The following SPINK1 variants were observed in gnomAD, a reference collection of about 807,000 sequenced individuals.
SPINK1 encodes serine peptidase inhibitor Kazal type 1.
SPINK1 carries 5 observed loss-of-function variants against 9.5 expected under a neutral mutation model. The observed-to-expected ratio is 0.52, with a 90% CI of 0.27 to 1.10. The LOEUF is 1.10. SPINK1 is among the 50% of genes least tolerant of loss of function. SPINK1 has a pLI of 0.11. For missense variants in SPINK1, 88 were observed against 92.7 expected (o/e 0.95, Z 0.21); for synonymous variants, 37 against 32.3 (o/e 1.14, Z -0.49).
chr5:147,831,413 A>G, intron 1 of SPINK1, 110 bp downstream of exon 1: 4 of 1,423,784 alleles, frequency 2.8e-6, no homozygotes, highest in Non-Finnish European at 3.9e-6. Flanking sequence ...CATTAGGTCC[A>G]AAACATCTCT....
At chr5:147,836,102 C>T (rs1202284778), upstream of SPINK1, among the ~76,000 whole-genome samples, 1 of 152,004 alleles carries the variant, frequency 6.6e-6, no homozygotes, top group African/African-American at 2.4e-5. Flanking sequence ...ACATCCTCCT[C>T]CTCATCATTA....
intron 1 of SPINK1, among the ~76,000 whole-genome samples, chr5:147,830,927 G>A (rs1201292908): frequency 1.3e-5 from 2 of 152,034 alleles, no homozygotes; most frequent in Non-Finnish European, 2.9e-5. Context: ...TTCAAAATGT[G>A]TAATGTAAAT....
chr5:147,824,626 C>G lies in SPINK1; in HGVS notation c.*35G>C. On this transcript the variant is annotated 3_prime_UTR_variant, in exon 4 of 4. Transcript: ENST00000296695. ...TTCAACAATAAGGCCAGTCAGGCCT[C>G]GCGGTGACCTGATGGGATTTCAAAA... 1.2e-6 allele frequency: 2 copies of G among 1,609,120 alleles called. No homozygotes were observed. The highest frequency in any genetic ancestry group is 1.7e-6 in the Non-Finnish European group (2 of 1,175,680).
At chr5:147,831,449 T>G in intron 1 of SPINK1, 74 bp downstream of exon 1, 1 of 1,584,498 alleles carries the variant, frequency 6.3e-7, no homozygotes, top group Non-Finnish European at 8.6e-7. Flanking sequence ...ATCAAAAGTC[T>G]AGAAGATAAT....
At chr5:147,833,413 C>A (rs1302485309), upstream of SPINK1, among the ~76,000 whole-genome samples, 2 of 152,110 alleles carry the variant, frequency 1.3e-5, no homozygotes, top group Non-Finnish European at 2.9e-5. Context: ...TTCCATACTA[C>A]TATTTTGATC....
At chr5:147,825,443 CT>C (rs1554089634) in intron 3 of SPINK1, among the ~76,000 whole-genome samples, 1 of 123,956 alleles carries the variant, frequency 8.1e-6, no homozygotes, top group South Asian at 2.7e-4. Context: ...TTCTTTTTTT[CT>C]TTTTTTTCTT....
At chr5:147,835,659 C>G (rs987478926), upstream of SPINK1, among the ~76,000 whole-genome samples, 1 of 152,058 alleles carries the variant, frequency 6.6e-6, no homozygotes, top group Non-Finnish European at 1.5e-5. Flanking sequence ...TGACAAAACT[C>G]AAGAGAACTG....
At chr5:147,831,399 A>T in intron 1 of SPINK1, 124 bp downstream of exon 1, 1 of 1,253,478 alleles carries the variant, frequency 8.0e-7, no homozygotes, top group Non-Finnish European at 1.1e-6. Flanking sequence ...ATTTTATTTC[A>T]TCTCATTAGG....
chr5:147,825,094 T>C (rs1756376659), intron 3 of SPINK1, among the ~76,000 whole-genome samples: 1 of 152,206 alleles, frequency 6.6e-6, no homozygotes, highest in Non-Finnish European at 1.5e-5. Flanking sequence ...ACCTTCTAAT[T>C]GATTGACCTT....
intron 3 of SPINK1, chr5:147,827,384 G>C (rs1412348301): frequency 6.6e-6 from 1 of 152,360 alleles, no homozygotes; most frequent in Non-Finnish European, 1.5e-5. Flanking sequence ...TAAAAAATAT[G>C]TATCTCTGCT....
chr5:147,828,223 A>C (rs1756447133), intron 2 of SPINK1, 95 bp from the exon 3 acceptor site: 1 of 927,764 alleles, frequency 1.1e-6, no homozygotes. Flanking sequence ...CTGGGGAATA[A>C]CTGTGATTGG....
chr5:147,832,922 C>T (rs997688092), upstream of SPINK1, among the ~76,000 whole-genome samples: 2 of 152,008 alleles, frequency 1.3e-5, no homozygotes, highest in Non-Finnish European at 2.9e-5. Flanking sequence ...GCTTCCATTG[C>T]CTTTTTGTTG....
At chr5:147,827,938 C>A (rs77945696) in intron 3 of SPINK1, 84 bp downstream of exon 3, 13 of 1,041,516 alleles carry the variant, frequency 1.2e-5, no homozygotes, top group Non-Finnish European at 1.8e-5. Flanking sequence ...TTGCTTTTCT[C>A]GGGGTGAGAT....
intron 1 of SPINK1, among the ~76,000 whole-genome samples, chr5:147,830,637 A>T (rs1756492077): frequency 6.6e-6 from 1 of 152,180 alleles, no homozygotes; most frequent in South Asian, 2.1e-4. Flanking sequence ...GTATTAATTA[A>T]CATGCATGAG....
upstream of SPINK1, among the ~76,000 whole-genome samples, chr5:147,835,838 C>T (rs1756586349): frequency 6.6e-6 from 1 of 152,130 alleles, no homozygotes; most frequent in African/African-American, 2.4e-5. Context: ...ACCTCCTTGA[C>T]ATAGCTGCAA....
upstream of SPINK1, among the ~76,000 whole-genome samples, chr5:147,834,600 T>C (rs1434963711): frequency 6.6e-6 from 1 of 152,084 alleles, no homozygotes; most frequent in African/African-American, 2.4e-5. Context: ...CAATAACCAC[T>C]GTTAAGGAAG....
rs1037860246 is a variant in SPINK1 at position 147,828,198 on chromosome 5, A to G, written c.88-70T>C. 1.1e-5 allele frequency: 13 copies of G among 1,194,996 alleles called. No homozygotes were observed. The East Asian group carries it at 2.0e-4, about 18-fold the overall frequency. 74.0% of individuals were successfully genotyped at this position (1,194,996 alleles called of 1,614,324 possible). On this transcript the variant is annotated intron_variant, in intron 2 of 3. Transcript: ENST00000296695. The stretch of plus-strand genomic sequence containing the variant: ...CTTGAGTTCATAGCAAAATCTCTGA[A>G]ATGGTTTTATTTCTCTGGGGAATAA...
At chr5:147,824,796 T>C in intron 3 of SPINK1, 90 bp from the exon 4 acceptor site, 1 of 1,192,308 alleles carries the variant, frequency 8.4e-7, no homozygotes. Context: ...AAATAACAGC[T>C]TCATTTAAAG....
rs761643947 is a variant in SPINK1, at chr5:147,831,579, G to T, written c.-2C>A. 1.9e-6 allele frequency: 3 copies of T among 1,613,514 alleles called. No individual in the cohort carries two copies. The East Asian group carries it at 6.7e-5, about 36-fold the overall frequency. On this transcript the variant is annotated 5_prime_UTR_variant, in exon 1 of 4. Transcript: ENST00000296695. Reference sequence around the variant, plus strand: ...AAGAAAGATGCCTGTTACCTTCATGGCTGAAGTTCTGCGTCCAGAGGTCAG... The same window carrying T: ...AAGAAAGATGCCTGTTACCTTCATGTCTGAAGTTCTGCGTCCAGAGGTCAG...
Sources: gnomAD v4.1 joint callset for allele counts (sites outside exome capture counted in the v4.1 genomes callset) on GRCh38, gnomAD v4.1.1 for gene constraint, MANE v1.5 for transcripts, NCBI Gene and HGNC (gene_info 2026-07-23, HGNC 2026-07-21) for gene names.